The following SGO1 variants were observed in gnomAD, a reference collection of about 807,000 sequenced individuals.
SGO1 encodes serologically defined breast cancer antigen NY-BR-85.
In SGO1, 39 loss-of-function variants were observed where a neutral mutation model predicts 50.5. The ratio of observed to expected loss-of-function variants is 0.77; its 90% CI spans 0.60 to 1.01. SGO1 has a LOEUF of 1.01. SGO1 is among the 50% of genes least tolerant of loss of function. The probability of loss-of-function intolerance (pLI) is 0.00; values close to 1 mark genes in which losing one functional copy is unlikely to be tolerated. For synonymous variants in SGO1, 191 were observed against 205.1 expected, an observed-to-expected ratio of 0.93 and a Z score of 0.59; for missense variants, 638 against 606.0, an observed-to-expected ratio of 1.05 and a Z score of -0.55.
downstream of SGO1, among the ~76,000 whole-genome samples, chr3:20,166,680 A>G (rs1700320694): frequency 6.6e-6 from 1 of 151,886 alleles, no homozygotes; most frequent in African/African-American, 2.4e-5. Context: ...AATCATGTGA[A>G]TGTACTTAAT....
At chr3:20,186,743 G>C (rs1702695995), upstream of SGO1, 1 of 152,308 alleles carries the variant, frequency 6.6e-6, no homozygotes, top group Admixed American at 6.5e-5. Context: ...CTCTTCTCGA[G>C]AAATGGCACC....
chr3:20,175,795 C>CAAA lies in SGO1; in HGVS notation c.476-743_476-741dup, dbSNP rs56284216. 2.5e-3 allele frequency among the ~76,000 whole-genome samples: 342 copies of CAAA among 136,816 alleles called. 1 individual carries two copies. The highest frequency in any genetic ancestry group is 4.3e-3 in the African/African-American group (160 of 37,364). The allele number at this position is 136,816 out of a possible 152,430, so 89.8% of individuals were successfully genotyped here. ...AGCCTGGGCGACAGAGCAAGACTGTCAAAAAAAAAAAAAATTATAACAGGC... is the reference window on the plus strand; with the variant it reads ...AGCCTGGGCGACAGAGCAAGACTGTCAAAAAAAAAAAAAAAAATTATAACAGGC... On this transcript the variant is annotated intron_variant, in intron 5 of 7. Coordinates refer to ENST00000412997, the MANE Select transcript of SGO1 (RefSeq NM_001199251.3).
chr3:20,178,371 ACT>A, intron 3 of SGO1, 24 bp from the exon 4 acceptor site: 1 of 1,468,924 alleles, frequency 6.8e-7, no homozygotes, highest in East Asian at 2.3e-5. Flanking sequence ...AAAACAAAAC[ACT>A]GTTATAACTG....
chr3:20,178,518 T>C (rs756139744), intron 3 of SGO1, among the ~76,000 whole-genome samples, 171 bp from the exon 4 acceptor site: 6 of 152,234 alleles, frequency 3.9e-5, no homozygotes, highest in Non-Finnish European at 4.4e-5. Flanking sequence ...TTTTAAAGCT[T>C]ACATTCTAGT....
intron 4 of SGO1, 42 bp downstream of exon 4, chr3:20,178,229 T>C: frequency 1.5e-6 from 2 of 1,297,414 alleles, no homozygotes; most frequent in Non-Finnish European, 2.1e-6. Context: ...GAATTAAACC[T>C]TTCTTAGTAT....
chr3:20,184,970 T>C (rs939082064), intron 1 of SGO1, among the ~76,000 whole-genome samples: 1 of 152,190 alleles, frequency 6.6e-6, no homozygotes, highest in Non-Finnish European at 1.5e-5. Context: ...TGCACAGAAT[T>C]TTCACTACAA....
At chr3:20,169,171 A>C, downstream of SGO1, 8 of 985,438 alleles carry the variant, frequency 8.1e-6, no homozygotes, top group Non-Finnish European at 9.6e-6. Flanking sequence ...ATAGGGAGAT[A>C]ACAGCCAAGA....
chr3:20,180,279 C>G (rs553259752), intron 3 of SGO1, among the ~76,000 whole-genome samples: 2 of 152,036 alleles, frequency 1.3e-5, no homozygotes, highest in African/African-American at 2.4e-5. Context: ...GAGCGAGACT[C>G]TGTCTCAAAG....
chr3:20,184,273 A>C (rs893596318), intron 1 of SGO1, among the ~76,000 whole-genome samples: 5 of 152,204 alleles, frequency 3.3e-5, no homozygotes, highest in African/African-American at 1.2e-4. Context: ...TAGATTTCCA[A>C]CCCAAAGATT....
intron 6 of SGO1, among the ~76,000 whole-genome samples, chr3:20,171,767 A>G (rs1700770451): frequency 6.6e-6 from 1 of 152,190 alleles, no homozygotes; most frequent in Non-Finnish European, 1.5e-5. Context: ...AACTCCTTCT[A>G]TTAAATAAAT....
At chr3:20,171,994 A>G (rs951038706) in intron 6 of SGO1, among the ~76,000 whole-genome samples, 7 of 152,248 alleles carry the variant, frequency 4.6e-5, no homozygotes, top group East Asian at 1.9e-4. Flanking sequence ...AGTAAAAACT[A>G]TAACTGTGAA....
At chr3:20,181,114 A>G (rs904315323) in intron 3 of SGO1, among the ~76,000 whole-genome samples, 1 of 152,182 alleles carries the variant, frequency 6.6e-6, no homozygotes, top group South Asian at 2.1e-4. Context: ...CTGTGATCAC[A>G]CCACTGCACC....
At chr3:20,170,842 C>A in intron 7 of SGO1, 27 bp from the exon 8 acceptor site, 1 of 1,579,238 alleles carries the variant, frequency 6.3e-7, no homozygotes, top group Non-Finnish European at 8.5e-7. Flanking sequence ...AGATCTCAGG[C>A]ATAATGTAAG....
Position 20,170,676 on chromosome 3 carries a change from T to TTCGTTGGTC in SGO1, c.*27_*28insGACCAACGA. ...TGAAGCAACAGAAAGAGGTGTAGAT[T>TTCGTTGGTC]GAATTTAAACAATATCCAACAAAAC... On this transcript the variant is annotated 3_prime_UTR_variant, in exon 8 of 8. Transcript: ENST00000412997. 6.5e-7 allele frequency: 1 copy of TTCGTTGGTC among 1,536,556 alleles called. No individual in the cohort carries two copies.
At chr3:20,179,997 A>G (rs1701825684) in intron 3 of SGO1, among the ~76,000 whole-genome samples, 1 of 152,278 alleles carries the variant, frequency 6.6e-6, no homozygotes, top group South Asian at 2.1e-4. Flanking sequence ...GATAAAATCT[A>G]GATTCAGAGT....
downstream of SGO1, among the ~76,000 whole-genome samples, chr3:20,166,600 T>C (rs1461361303): frequency 1.3e-5 from 2 of 151,900 alleles, no homozygotes; most frequent in African/African-American, 2.4e-5. Flanking sequence ...AGAGAGTGAT[T>C]GTTCAATGGG....
chr3:20,184,926 C>CAAAA (rs60350092), intron 1 of SGO1, among the ~76,000 whole-genome samples: 50 of 149,900 alleles, frequency 3.3e-4, no homozygotes, highest in Middle Eastern at 3.6e-3. Context: ...CTTAAAATTG[C>CAAAA]AAAAAAAAAA....
chr3:20,171,251 T>G lies in SGO1; in HGVS notation c.1283-19A>C. On this transcript the variant is annotated intron_variant, in intron 6 of 7. Transcript: ENST00000412997. ...GGTGTAGCTACAAAACAATTTTTACTGAATATGATTTAAAAAAAAAAACCC... is the reference window on the plus strand; with the variant it reads ...GGTGTAGCTACAAAACAATTTTTACGGAATATGATTTAAAAAAAAAAACCC... 6.6e-7 allele frequency: 1 copy of G among 1,526,188 alleles called. No individual in the cohort carries two copies. The highest frequency in any genetic ancestry group is 1.3e-5 in the South Asian group (1 of 77,662). 94.5% of individuals were successfully genotyped at this position (1,526,188 alleles called of 1,614,324 possible).
chr3:20,171,273 ACCCACAC>A, intron 6 of SGO1, 41 bp from the exon 7 acceptor site: 1 of 1,459,570 alleles, frequency 6.9e-7, no homozygotes, highest in South Asian at 1.4e-5. Flanking sequence ...AAAAAAAAAA[ACCCACAC>A]AAAAACTTAA....
Sources: gnomAD v4.1 joint callset for allele counts (sites outside exome capture counted in the v4.1 genomes callset) on GRCh38, gnomAD v4.1.1 for gene constraint, MANE v1.5 for transcripts, NCBI Gene and HGNC (gene_info 2026-07-23, HGNC 2026-07-21) for gene names.